Variants in SLC22A23 observed in about 807,000 individuals in gnomAD.
The protein encoded by SLC22A23 is ion transporter protein.
In SLC22A23, 26 loss-of-function variants were observed where a neutral mutation model predicts 61.0. That is an observed-to-expected ratio of 0.43 (90% CI 0.31 to 0.59). The LOEUF (loss-of-function observed/expected upper bound fraction) is 0.59. Among genes scored for constraint, SLC22A23 ranks in the 20% least tolerant of loss-of-function variants. SLC22A23 has a pLI of 0.11. For missense variants in SLC22A23, 796 were observed against 934.7 expected, an observed-to-expected ratio of 0.85 and a Z score of 1.94; for synonymous variants, 430 against 413.9, an observed-to-expected ratio of 1.04 and a Z score of -0.47.
chr6:3,436,175 G>A (rs942523996), intron 1 of SLC22A23, among the ~76,000 whole-genome samples: 6 of 151,550 alleles, frequency 4.0e-5, no homozygotes, highest in Admixed American at 6.6e-5. Flanking sequence ...TTTTTGAGAC[G>A]GAGTCTCAAT....
Position 3,300,808 on chromosome 6 carries a change from G to A in SLC22A23, c.1083-2590C>T, listed in dbSNP as rs549649600. On this transcript the variant is annotated intron_variant, in intron 4 of 9. Coordinates refer to ENST00000406686, the MANE Select transcript of SLC22A23 (RefSeq NM_015482.2). ...TGATGAAGTTGTTCCCACTGAATTC[G>A]GTGGTACCTTTGGGATGGTCTGATC... Among the ~76,000 whole-genome samples the A allele has an allele frequency of 9.2e-5, 14 of 152,236 alleles. No homozygotes were observed. In the South Asian group the frequency reaches 1.2e-3, roughly 14 times the overall value.
intron 9 of SLC22A23, among the ~76,000 whole-genome samples, chr6:3,275,965 A>G (rs1214368431): frequency 1.3e-5 from 2 of 152,254 alleles, no homozygotes; most frequent in Non-Finnish European, 2.9e-5. Flanking sequence ...GGCTTGGGCA[A>G]AGGTGACCTG....
At chr6:3,417,527 A>G (rs1769810972) in intron 1 of SLC22A23, among the ~76,000 whole-genome samples, 2 of 152,198 alleles carry the variant, frequency 1.3e-5, no homozygotes, top group South Asian at 4.1e-4. Context: ...ACTTCCTTCC[A>G]TGATTGCTCC....
intron 3 of SLC22A23, among the ~76,000 whole-genome samples, chr6:3,343,325 G>A (rs1486956055): frequency 6.6e-6 from 1 of 152,170 alleles, no homozygotes; most frequent in East Asian, 1.9e-4. Flanking sequence ...TAACAGGGAG[G>A]CCCCAAGAGG....
At chr6:3,441,511 C>G (rs1771592282) in intron 1 of SLC22A23, among the ~76,000 whole-genome samples, 1 of 152,164 alleles carries the variant, frequency 6.6e-6, no homozygotes, top group Non-Finnish European at 1.5e-5. Flanking sequence ...CAGCTCCTCA[C>G]AGAAGAGGTC....
At chr6:3,284,873 A>G in intron 8 of SLC22A23, 2 of 1,528,686 alleles carry the variant, frequency 1.3e-6, no homozygotes, top group African/African-American at 1.4e-5. Context: ...CAAACAGGGA[A>G]GCACCAGTCG....
intron 8 of SLC22A23, 106 bp from the exon 9 acceptor site, chr6:3,284,081 G>T: frequency 2.5e-6 from 3 of 1,212,450 alleles, no homozygotes; most frequent in South Asian, 1.5e-5. Flanking sequence ...TGTCCAGCTT[G>T]CGGCATGGAT....
At chr6:3,431,220 G>A (rs751993683) in intron 1 of SLC22A23, among the ~76,000 whole-genome samples, 15 of 152,252 alleles carry the variant, frequency 9.9e-5, no homozygotes, top group Non-Finnish European at 1.9e-4. Context: ...GGTCCTGTGA[G>A]GACACACCCT....
chr6:3,348,330 C>T (rs746722619), intron 3 of SLC22A23, among the ~76,000 whole-genome samples: 11 of 152,218 alleles, frequency 7.2e-5, no homozygotes, highest in Non-Finnish European at 1.5e-4. Flanking sequence ...GCCTAGGCGC[C>T]ATCTTTCCTG....
intron 3 of SLC22A23, among the ~76,000 whole-genome samples, chr6:3,331,994 T>C (rs1392136316): frequency 2.0e-5 from 3 of 152,206 alleles, no homozygotes; most frequent in Admixed American, 2.0e-4. Context: ...GTTTTTCTGG[T>C]GCTATCCATT....
At chr6:3,408,131 T>C (rs1347326956) in intron 3 of SLC22A23, among the ~76,000 whole-genome samples, 2 of 152,242 alleles carry the variant, frequency 1.3e-5, no homozygotes, top group Non-Finnish European at 2.9e-5. Context: ...TGACAGACCA[T>C]ATGGCCTGCA....
intron 1 of SLC22A23, among the ~76,000 whole-genome samples, chr6:3,437,723 A>T (rs1771316399): frequency 6.7e-6 from 1 of 149,388 alleles, no homozygotes; most frequent in Non-Finnish European, 1.5e-5. Context: ...TAATTTTAAA[A>T]ACCCACTCTG....
rs1047978625 is a variant in SLC22A23, at chr6:3,269,433, G to A, written c.*3622C>T. On this transcript the variant is annotated 3_prime_UTR_variant, in exon 10 of 10. Transcript: ENST00000406686. ...CCCTTCGGTGGATACCATCAGGTGA[G>A]GTAGGGAAGACATTCCAGAGGAAAT... 1 of 152,624 alleles carries A rather than the reference G, an allele frequency of 6.6e-6. No individual in the cohort carries two copies. Among genetic ancestry groups the A allele is most frequent in the Non-Finnish European group, 1.5e-5 (1 of 68,052 alleles). The allele number at this position is 152,624 out of a possible 1,614,324, so 9.5% of individuals were successfully genotyped here. A position where few individuals can be genotyped will look rare whatever the true frequency, so the allele number is the denominator to read the frequency against.
Position 3,289,870 on chromosome 6 carries a change from C to T in SLC22A23, c.1211-4G>A. On this transcript the variant is annotated splice_polypyrimidine_tract_variant and splice_region_variant and intron_variant, in intron 5 of 9. Transcript: ENST00000406686. ...CGGGAAAGCTCTTTCTCCAGCTCTG[C>T]AAAGAAACAGACCCTGTGAGCCCTG... 6.2e-7 allele frequency: 1 copy of T among 1,612,900 alleles called. No homozygotes were observed. The highest frequency in any genetic ancestry group is 1.1e-5 in the South Asian group (1 of 90,904).
At position 3,298,190 on chromosome 6, in the gene SLC22A23, T is replaced by A; in HGVS notation, c.1111A>T (p.Met371Leu). The change falls in exon 5 of 10, where the codon ATG (methionine) becomes TTG (leucine). Residue 371 changes from methionine to leucine, a missense_variant. Physicochemically the swap from Met to Leu is conservative, Grantham distance 15 (BLOSUM62 2). Transcript: ENST00000406686. The stretch of plus-strand genomic sequence containing the variant: ...GCAGACTCAAACTGCTGGGTGGCCA[T>A]TAGCCACCGGAGGGACTCGGGGAAT... ...SIFPESLRWL[M>L]ATQQFESAKR... 1 of 1,592,250 alleles carries A rather than the reference T, an allele frequency of 6.3e-7. No individual in the cohort carries two copies. Among genetic ancestry groups the A allele is most frequent in the Non-Finnish European group, 8.5e-7 (1 of 1,172,152 alleles).
intron 1 of SLC22A23, among the ~76,000 whole-genome samples, chr6:3,430,210 G>A (rs1256257218): frequency 3.3e-5 from 5 of 152,130 alleles, no homozygotes; most frequent in East Asian, 1.9e-4. Flanking sequence ...GGTTATATTC[G>A]CGAGAAAATC....
rs565844213 is a variant in SLC22A23 at position 3,348,134 on chromosome 6, G to A, written c.914-24132C>T. On this transcript the variant is annotated intron_variant, in intron 3 of 9. Coordinates refer to ENST00000406686, the MANE Select transcript of SLC22A23 (RefSeq NM_015482.2). Reference sequence around the variant, plus strand: ...TGTCTCCTGCTCTGGAAGGCTCCAGGAGGAAAGAGACATTCTTTTTGTTTT... The same window carrying A: ...TGTCTCCTGCTCTGGAAGGCTCCAGAAGGAAAGAGACATTCTTTTTGTTTT... Among the ~76,000 whole-genome samples, 141 of 152,346 alleles carry A rather than the reference G, an allele frequency of 9.3e-4. 1 individual carries two copies. The South Asian group carries it at 0.025, about 27-fold the overall frequency.
chr6:3,400,144 C>T (rs13205395), intron 3 of SLC22A23, among the ~76,000 whole-genome samples: 42,901 of 152,120 alleles, frequency 0.28, 6,332 homozygotes, highest in Middle Eastern at 0.39. Flanking sequence ...TCCCAAAGTG[C>T]TGGGATTACA....
chr6:3,373,783 G>A (rs906562949), intron 3 of SLC22A23, among the ~76,000 whole-genome samples: 1 of 152,210 alleles, frequency 6.6e-6, no homozygotes, highest in African/African-American at 2.4e-5. Flanking sequence ...CAGTGACACT[G>A]TGATCGCTGC....
Sources: gnomAD v4.1 joint callset for allele counts (sites outside exome capture counted in the v4.1 genomes callset) on GRCh38, gnomAD v4.1.1 for gene constraint, MANE v1.5 for transcripts, NCBI Gene and HGNC (gene_info 2026-07-23, HGNC 2026-07-21) for gene names.